Variants in BNC2 observed in about 807,000 individuals in gnomAD.
BNC2 encodes basonuclin zinc finger protein 2.
In BNC2, 20 loss-of-function variants were observed where a neutral mutation model predicts 76.3. The ratio of observed to expected loss-of-function variants is 0.26; its 90% CI spans 0.18 to 0.38. The LOEUF (loss-of-function observed/expected upper bound fraction) is 0.38, where lower values mean the gene tolerates loss of function less well. BNC2 is among the 10% of genes least tolerant of loss of function. The pLI is 1.00. For missense variants in BNC2, 1,382 were observed against 1,399.8 expected, an observed-to-expected ratio of 0.99 and a Z score of 0.20; for synonymous variants, 582 against 514.8, an observed-to-expected ratio of 1.13 and a Z score of -1.77.
At chr9:16,588,751 G>C (rs1819839935) in intron 3 of BNC2, among the ~76,000 whole-genome samples, 1 of 152,172 alleles carries the variant, frequency 6.6e-6, no homozygotes, top group Non-Finnish European at 1.5e-5. Flanking sequence ...GATAGGTTCT[G>C]TTATCACTAA....
rs559889474 is a variant in BNC2, at chr9:16,791,859, T to C, written c.4-53374A>G. On this transcript the variant is annotated intron_variant, in intron 1 of 6. Transcript: ENST00000380672. Reference sequence around the variant, plus strand: ...GGCTCACACCTGTAACCCCATCACTTTGGGAAGCCAAGGCAGGTGGATCAC... The same window carrying C: ...GGCTCACACCTGTAACCCCATCACTCTGGGAAGCCAAGGCAGGTGGATCAC... Among the ~76,000 whole-genome samples the C allele has an allele frequency of 1.3e-3, 200 of 152,306 alleles. 3 individuals are homozygous for C. The highest frequency in any genetic ancestry group is 2.0e-3 in the Non-Finnish European group (135 of 68,030).
intron 3 of BNC2, among the ~76,000 whole-genome samples, chr9:16,643,495 G>A (rs1438184741): frequency 6.6e-6 from 1 of 151,860 alleles, no homozygotes; most frequent in Non-Finnish European, 1.5e-5. Flanking sequence ...AATCACCTAC[G>A]GAAAGTGAAA....
At chr9:16,577,999 T>C (rs567182324) in intron 4 of BNC2, among the ~76,000 whole-genome samples, 14 of 152,276 alleles carry the variant, frequency 9.2e-5, no homozygotes, top group African/African-American at 3.1e-4. Context: ...TCTTGCCAAA[T>C]GCTCACCTCA....
intron 1 of BNC2, among the ~76,000 whole-genome samples, chr9:16,779,595 T>C (rs1224449618): frequency 6.6e-6 from 1 of 152,204 alleles, no homozygotes; most frequent in Non-Finnish European, 1.5e-5. Context: ...AAGTATTTGA[T>C]TGACCAACTG....
At chr9:16,744,959 T>C (rs1255551840) in intron 1 of BNC2, among the ~76,000 whole-genome samples, 1 of 152,244 alleles carries the variant, frequency 6.6e-6, no homozygotes, top group Non-Finnish European at 1.5e-5. Context: ...AGAGCATATA[T>C]AGAAGAAACA....
intron 5 of BNC2, among the ~76,000 whole-genome samples, chr9:16,449,567 T>G (rs962321160): frequency 1.3e-5 from 2 of 152,180 alleles, no homozygotes; most frequent in Non-Finnish European, 2.9e-5. Context: ...AATCTTGTAT[T>G]GCTATGTTTA....
chr9:16,787,252 C>T (rs1044642423), intron 1 of BNC2, among the ~76,000 whole-genome samples: 3 of 152,204 alleles, frequency 2.0e-5, no homozygotes, highest in African/African-American at 7.2e-5. Flanking sequence ...CATCCACCAT[C>T]ACCTGTGATC....
intron 3 of BNC2, among the ~76,000 whole-genome samples, chr9:16,654,971 T>C (rs775857014): frequency 6.6e-6 from 1 of 152,096 alleles, no homozygotes; most frequent in East Asian, 1.9e-4. Flanking sequence ...AATCAATGCC[T>C]GACAGCACCA....
chr9:16,436,933 T>C lies in BNC2; in HGVS notation c.1261A>G (p.Lys421Glu), dbSNP rs772258371. The C allele has an allele frequency of 2.5e-6, 4 of 1,614,144 alleles. No homozygotes were observed. The highest frequency in any genetic ancestry group is 1.7e-5 in the Admixed American group (1 of 60,002). The change falls in exon 6 of 7, where the codon AAA (lysine) becomes GAA (glutamate). Residue 421 changes from lysine to glutamate, a missense_variant. Lys to Glu is a moderately conservative substitution (Grantham distance 56, BLOSUM62 1). Transcript: ENST00000380672. ...VSDLTKTEHP[K>E]SSFRIHRMRR... ...ATCCGATGAATCCGGAATGAGCTTT[T>C]TGGGTGTTCAGTTTTGGTTAGATCA... is the stretch of plus-strand genomic sequence containing the variant.
At chr9:16,824,535 T>G (rs890132271) in intron 1 of BNC2, among the ~76,000 whole-genome samples, 1 of 152,168 alleles carries the variant, frequency 6.6e-6, no homozygotes, top group Non-Finnish European at 1.5e-5. Flanking sequence ...TGATAAGCAG[T>G]GGTGCTCTCA....
chr9:16,759,198 AC>A (rs1290924163), intron 1 of BNC2, among the ~76,000 whole-genome samples: 1 of 152,244 alleles, frequency 6.6e-6, no homozygotes, highest in Non-Finnish European at 1.5e-5. Context: ...ATGATTTCAT[AC>A]AAAAAATCGA....
chr9:16,437,220 A>T lies in BNC2; in HGVS notation c.974T>A (p.Phe325Tyr). The T allele has an allele frequency of 6.2e-7, 1 of 1,614,154 alleles. No homozygotes were observed. Among genetic ancestry groups the T allele is most frequent in the Non-Finnish European group, 8.5e-7 (1 of 1,180,008 alleles). Residue 325 changes from phenylalanine to tyrosine, a missense_variant, in exon 6 of 7, where the codon TTC (phenylalanine) becomes TAC (tyrosine). Phe to Tyr is a conservative substitution (Grantham distance 22, BLOSUM62 3). Coordinates refer to ENST00000380672, the MANE Select transcript of BNC2 (RefSeq NM_017637.6). ...TGCTGAGACAGGGTTTATGTACTGG[A>T]ATGGAAGCAGAAATGCAAGGCTGTT... Reference protein sequence around the residue: ...IPNSLAFLLPFQYINPVSAPL... With the variant: ...IPNSLAFLLPYQYINPVSAPL...
chr9:16,792,035 G>A, intron 1 of BNC2, among the ~76,000 whole-genome samples: 1 of 148,908 alleles, frequency 6.7e-6, no homozygotes. Context: ...CCAGGAGACG[G>A]AAGTTGCAAG....
intron 3 of BNC2, among the ~76,000 whole-genome samples, chr9:16,642,511 T>C (rs1199278740): frequency 6.6e-6 from 1 of 152,210 alleles, no homozygotes; most frequent in Admixed American, 6.5e-5. Flanking sequence ...ACAAAACCAC[T>C]GACCAAACCA....
chr9:16,728,341 C>T (rs1469273030), intron 2 of BNC2: 2 of 396,940 alleles, frequency 5.0e-6, no homozygotes, highest in Non-Finnish European at 9.6e-6. Flanking sequence ...CCAAATGACA[C>T]CCTGCACTAA....
intron 3 of BNC2, among the ~76,000 whole-genome samples, chr9:16,586,982 T>A (rs781462423): frequency 6.6e-6 from 1 of 152,192 alleles, no homozygotes; most frequent in African/African-American, 2.4e-5. Context: ...GCTAGATGTA[T>A]TGAATATCTT....
intron 1 of BNC2, among the ~76,000 whole-genome samples, chr9:16,780,128 A>T (rs201130804): frequency 2.8e-5 from 4 of 143,806 alleles, no homozygotes; most frequent in Non-Finnish European, 6.1e-5. Flanking sequence ...CCCAGCTACT[A>T]GGGAGGCTGA....
At chr9:16,697,054 G>T (rs1487739926) in intron 3 of BNC2, among the ~76,000 whole-genome samples, 2 of 152,116 alleles carry the variant, frequency 1.3e-5, no homozygotes, top group Non-Finnish European at 2.9e-5. Flanking sequence ...ATACCCATCT[G>T]CCCTGCAATA....
intron 1 of BNC2, among the ~76,000 whole-genome samples, chr9:16,807,571 C>T (rs1817944307): frequency 6.6e-6 from 1 of 152,060 alleles, no homozygotes; most frequent in Admixed American, 6.6e-5. Flanking sequence ...GGGAGGTCAA[C>T]AGGGAAATGC....
Sources: allele counts gnomAD v4.1 joint callset (sites outside exome capture counted in the v4.1 genomes callset), GRCh38; gene constraint gnomAD v4.1.1; transcripts MANE v1.5; gene names NCBI Gene and HGNC (gene_info 2026-07-23, HGNC 2026-07-21).